NEB: variants seen among roughly 807,000 people sequenced by gnomAD.
NEB encodes the protein nebulin.
In NEB, 512 loss-of-function variants were observed where a neutral mutation model predicts 952.2. That is an observed-to-expected ratio of 0.54 (90% CI 0.50 to 0.58). NEB has a LOEUF of 0.58. Among genes scored for constraint, NEB ranks in the 20% least tolerant of loss-of-function variants. NEB has a pLI of 0.00. For missense variants in NEB, 8,428 were observed against 9,231.1 expected (o/e 0.91, Z 3.56); for synonymous variants, 2,900 against 3,149.8 (o/e 0.92, Z 2.66).
intron 129 of NEB, 49 bp from the exon 130 acceptor site, chr2:151,549,789 C>T: frequency 9.2e-7 from 1 of 1,082,440 alleles, no homozygotes; most frequent in Non-Finnish European, 1.4e-6. Context: ...CATCAAGTAA[C>T]TGATCTGAGC....
At chr2:151,556,498 G>C (rs1437581718) in intron 124 of NEB, among the ~76,000 whole-genome samples, 3 of 152,160 alleles carry the variant, frequency 2.0e-5, no homozygotes, top group Non-Finnish European at 4.4e-5. Context: ...AAGAGATAAA[G>C]TCTCTAATTT....
At chr2:151,554,846 G>A in intron 125 of NEB, 85 bp downstream of exon 125, 1 of 1,019,102 alleles carries the variant, frequency 9.8e-7, no homozygotes, top group Admixed American at 1.7e-5. Flanking sequence ...ACTCTATGAT[G>A]TTAGCACAAC....
At chr2:151,506,281 G>A (rs950478275) in intron 163 of NEB, 23 bp from the exon 164 acceptor site, 1 of 1,552,094 alleles carries the variant, frequency 6.4e-7, no homozygotes, top group African/African-American at 1.4e-5. Flanking sequence ...AATCAGGACA[G>A]TGTTAACACA....
chr2:151,687,812 T>C (rs1297362011), intron 25 of NEB, 79 bp from the exon 26 acceptor site: 10 of 1,303,694 alleles, frequency 7.7e-6, no homozygotes, highest in Middle Eastern at 1.8e-4. Context: ...TATTGAAAAT[T>C]TGTGTATGTA....
intron 27 of NEB, among the ~76,000 whole-genome samples, chr2:151,686,837 G>C (rs192774814): frequency 2.5e-4 from 38 of 152,166 alleles, no homozygotes; most frequent in Admixed American, 2.5e-3. Flanking sequence ...ATGTTACATG[G>C]CCCATAGATG....
rs201964096 is a variant in NEB, at chr2:151,563,491, C to CCTACGTAGGGT, written c.18693+114_18693+115insACCCTACGTAG. 831 of 872,194 alleles carry CCTACGTAGGGT rather than the reference C, an allele frequency of 9.5e-4. 9 individuals carry two copies. The East Asian group carries it at 0.019, about 19-fold the overall frequency. 54.0% of individuals were successfully genotyped at this position (872,194 alleles called of 1,614,324 possible). ...GGGGTGAGGAAAATCTCAGGAAGGACCCTACGCTACTCCATTTCCCAGCTA... is the reference window on the plus strand; with the variant it reads ...GGGGTGAGGAAAATCTCAGGAAGGACCTACGTAGGGTCCTACGCTACTCCATTTCCCAGCTA... On this transcript the variant is annotated intron_variant, in intron 119 of 181. Transcript: ENST00000397345.
In NEB at chr2:151,552,758, T is replaced by C; in HGVS notation, c.19750A>G (p.Met6584Val). 6.2e-7 allele frequency: 1 copy of C among 1,612,778 alleles called. No homozygotes were observed. The highest frequency in any genetic ancestry group is 1.1e-5 in the South Asian group (1 of 90,874). ...TTGTAGTCATTCCTTGTTTTCAACA[T>C]GTGAGCTTTATACTTGATCTGCCGA... ...LRDDIKYKAHMLKTRNDYKLV... is the reference protein window; with the variant it reads ...LRDDIKYKAHVLKTRNDYKLV... Residue 6584 changes from methionine (M) to valine (V), a missense_variant, in exon 128 of 182, where the codon ATG becomes GTG. Around this residue, in one of 11 missense-constraint regions of NEB, gnomAD observed 3,374 missense variants for 3,651.5 expected, o/e 0.92. Transcript: ENST00000397345.
chr2:151,577,575 C>G (rs955522190), intron 105 of NEB, among the ~76,000 whole-genome samples: 1 of 152,146 alleles, frequency 6.6e-6, no homozygotes, highest in African/African-American at 2.4e-5. Flanking sequence ...AAGTCAGGAG[C>G]TGTCATGTTT....
chr2:151,551,790 G>A lies in NEB; in HGVS notation c.19892C>T (p.Thr6631Ile), dbSNP rs1191137750. The A allele has an allele frequency of 1.2e-6, 2 of 1,613,408 alleles. No homozygotes were observed. The highest frequency in any genetic ancestry group is 1.6e-4 in the Middle Eastern group (1 of 6,078). ...HSVRGKVAPT[T>I]KTVDLDRALH... ...GGCCCGGTCCAGATCCACGGTTTTGGTAGTTGGAGCCACTTTGCCTCTGAC... is the reference window on the plus strand; with the variant it reads ...GGCCCGGTCCAGATCCACGGTTTTGATAGTTGGAGCCACTTTGCCTCTGAC... The change falls in exon 129 of 182, where the codon ACC (threonine) becomes ATC (isoleucine). Residue 6631 changes from threonine to isoleucine, a missense_variant. Thr to Ile is a moderately conservative substitution (Grantham distance 89, BLOSUM62 -1). Transcript: ENST00000397345.
chr2:151,627,983 T>C (rs2154062846), intron 68 of NEB, 149 bp from the exon 69 acceptor site: 1 of 1,129,010 alleles, frequency 8.9e-7, no homozygotes, highest in South Asian at 1.7e-5. Context: ...TCCTAAATTC[T>C]TATTAGACTC....
At position 151,554,043 on chromosome 2, in the gene NEB, C is replaced by T. The variant is rs1559861539; in HGVS notation, c.19429-18G>A. 18 of 1,611,518 alleles carry T rather than the reference C, an allele frequency of 1.1e-5. No homozygotes were observed. The highest frequency in any genetic ancestry group is 1.5e-5 in the Non-Finnish European group (18 of 1,177,922). On this transcript the variant is annotated intron_variant, in intron 125 of 181. Transcript: ENST00000397345. ...TACAGGCGCTGTAAAGTTAAAATCA[C>T]ATGCCAGTTATACAGGAAATTGTGC... is the stretch of plus-strand genomic sequence containing the variant.
rs752706161 is a variant in NEB, at chr2:151,669,172, CATAAT to C, written c.4507-46_4507-42del. On this transcript the variant is annotated intron_variant, in intron 38 of 181. Coordinates refer to ENST00000397345, the MANE Select transcript of NEB (RefSeq NM_001164508.2). ...ACAGCATGCACATATCATTAGCTGA[CATAAT>C]ATAAATTTCATCAAGCAGAGACTCC... 9.2e-5 allele frequency: 124 copies of C among 1,341,794 alleles called. No individual in the cohort carries two copies. In the Middle Eastern group the frequency reaches 1.3e-3, roughly 14 times the overall value. 83.1% of individuals were successfully genotyped at this position (1,341,794 alleles called of 1,614,324 possible).
In NEB at chr2:151,546,387, G is replaced by A. The variant is rs1373912303; in HGVS notation, c.20424C>T (p.Asp6808=). Residue 6808 remains aspartate, a synonymous_variant, in exon 134 of 182, where the codon GAC becomes GAT. Transcript: ENST00000397345. ...GCCGGGAGCGGACCATGTCAGGAGT[G>A]TCATACAGGAAGCAGCCAAATCCCT... The part of the protein sequence containing the change: ...VLKGFGCFLY[D]TPDMVRSRHL... 3.1e-6 allele frequency: 5 copies of A among 1,613,576 alleles called. No individual in the cohort carries two copies. The highest frequency in any genetic ancestry group is 4.2e-6 in the Non-Finnish European group (5 of 1,179,634).
rs762220184 is a variant in NEB, at chr2:151,697,400, C to T, written c.1315G>A (p.Glu439Lys). The change falls in exon 15 of 182, where the codon GAG becomes AAG. Residue 439 changes from glutamate (E) to lysine (K), a missense_variant. By Grantham distance (56) the Glu-to-Lys change is moderately conservative. Coordinates refer to ENST00000397345, the MANE Select transcript of NEB (RefSeq NM_001164508.2). The stretch of plus-strand genomic sequence containing the variant: ...ATGCAGTGTGAATGGTATGGATCCT[C>T]GAAGCTGCCTACATAATGTCCCAAA... ...DILGHYVGSFEDPYHSHCMKV... is the reference protein window; with the variant it reads ...DILGHYVGSFKDPYHSHCMKV... The T allele has an allele frequency of 5.6e-6, 9 of 1,613,930 alleles. No homozygotes were observed. Among genetic ancestry groups the T allele is most frequent in the South Asian group, 1.1e-5 (1 of 91,072 alleles).
chr2:151,658,135 G>T, intron 47 of NEB, 45 bp from the exon 48 acceptor site: 2 of 1,373,510 alleles, frequency 1.5e-6, no homozygotes, highest in South Asian at 1.3e-5. Flanking sequence ...AAATATGAAA[G>T]CCTGGATTTA....
chr2:151,658,093 G>A lies in NEB; in HGVS notation c.6076-3C>T, dbSNP rs1317996372. On this transcript the variant is annotated splice_polypyrimidine_tract_variant and splice_region_variant and intron_variant, in intron 47 of 181. Coordinates refer to ENST00000397345, the MANE Select transcript of NEB (RefSeq NM_001164508.2). ...TCCAAGGAAAGTTTGTAGAGTTTCT[G>A]TAAAGAGAGGCAAAGGGAAGAGTTT... 2 of 1,561,622 alleles carry A rather than the reference G, an allele frequency of 1.3e-6. No homozygotes were observed. The highest frequency in any genetic ancestry group is 2.3e-5 in the East Asian group (1 of 44,320).
At chr2:151,723,746 C>CTTT (rs1336447502) in intron 8 of NEB, among the ~76,000 whole-genome samples, 21 of 55,778 alleles carry the variant, frequency 3.8e-4, no homozygotes, top group African/African-American at 5.8e-4. Context: ...TACCTGCCTT[C>CTTT]TTTGTTTTTT....
At chr2:151,499,034 A>T (rs1476687299) in intron 169 of NEB, among the ~76,000 whole-genome samples, 1 of 152,052 alleles carries the variant, frequency 6.6e-6, no homozygotes, top group Non-Finnish European at 1.5e-5. Context: ...AAAGCAGTAT[A>T]AATGTGGATG....
intron 52 of NEB, among the ~76,000 whole-genome samples, chr2:151,653,071 T>G (rs1476021853): frequency 3.3e-5 from 5 of 152,180 alleles, no homozygotes; most frequent in Admixed American, 3.3e-4. Flanking sequence ...TTCCCCTATA[T>G]TCTTAGAATT....
Sources: gnomAD v4.1 joint callset for allele counts (sites outside exome capture counted in the v4.1 genomes callset) on GRCh38, gnomAD v4.1.1 for gene constraint, gnomAD v4.1.1 regional missense constraint, MANE v1.5 for transcripts, NCBI Gene and HGNC (gene_info 2026-07-23, HGNC 2026-07-21) for gene names.